Variants in DCLK1 observed in about 807,000 individuals in gnomAD.
DCLK1 encodes serine/threonine-protein kinase DCLK1.
DCLK1 carries 16 observed loss-of-function variants against 86.2 expected under a neutral mutation model. The ratio of observed to expected loss-of-function variants is 0.19; its 90% CI spans 0.13 to 0.28. DCLK1 has a LOEUF of 0.28. DCLK1 is among the 10% of genes least tolerant of loss of function. The pLI, the probability that DCLK1 is intolerant of heterozygous loss-of-function variation, is 1.00. For missense variants in DCLK1, 590 were observed against 940.2 expected, an observed-to-expected ratio of 0.63 and a Z score of 4.87; for synonymous variants, 369 against 370.5, an observed-to-expected ratio of 1.00 and a Z score of 0.05.
intron 11 of DCLK1, among the ~76,000 whole-genome samples, chr13:35,816,317 G>T (rs1052265264): frequency 2.0e-5 from 3 of 152,142 alleles, no homozygotes; most frequent in African/African-American, 7.2e-5. Flanking sequence ...TTGGGACATG[G>T]ACTTCCAGAG....
At chr13:35,849,301 A>G (rs1418368710) in intron 6 of DCLK1, 1 of 985,244 alleles carries the variant, frequency 1.0e-6, no homozygotes, top group Non-Finnish European at 1.2e-6. Context: ...AGCGTGTGAC[A>G]ACTGAATTTC....
intron 15 of DCLK1, among the ~76,000 whole-genome samples, chr13:35,804,861 C>A (rs1376997077): frequency 6.6e-6 from 1 of 152,180 alleles, no homozygotes; most frequent in Non-Finnish European, 1.5e-5. Context: ...CCCGTGTACT[C>A]AAAGAACAGC....
At chr13:36,045,377 T>TCTATCTATCTATATATAC (rs568110221) in intron 3 of DCLK1, among the ~76,000 whole-genome samples, 5 of 125,078 alleles carry the variant, frequency 4.0e-5, no homozygotes, top group African/African-American at 1.4e-4. Flanking sequence ...TATATATATA[T>TCTATCTATCTATATATAC]TTCAAGGTAA....
intron 3 of DCLK1, among the ~76,000 whole-genome samples, chr13:35,987,914 T>C (rs1433601932): frequency 1.3e-5 from 2 of 152,150 alleles, no homozygotes; most frequent in African/African-American, 4.8e-5. Flanking sequence ...TCCTCCCTGC[T>C]CCCCACATCT....
chr13:36,022,337 A>G (rs1881818937), intron 3 of DCLK1, among the ~76,000 whole-genome samples: 2 of 152,124 alleles, frequency 1.3e-5, no homozygotes, highest in Admixed American at 1.3e-4. Flanking sequence ...TCAATAATCT[A>G]ACTTTCCACT....
At chr13:35,781,521 G>C (rs1177640777) in intron 16 of DCLK1, among the ~76,000 whole-genome samples, 1 of 152,188 alleles carries the variant, frequency 6.6e-6, no homozygotes, top group African/African-American at 2.4e-5. Flanking sequence ...AATGCTTGCA[G>C]GATTCACAAG....
chr13:35,785,114 A>G (rs542408569), intron 16 of DCLK1, among the ~76,000 whole-genome samples: 6 of 151,844 alleles, frequency 4.0e-5, no homozygotes, highest in African/African-American at 1.4e-4. Context: ...ATTTTATCTT[A>G]TTTCTCATGT....
intron 3 of DCLK1, among the ~76,000 whole-genome samples, chr13:35,989,258 A>G (rs1880095410): frequency 6.6e-6 from 1 of 152,058 alleles, no homozygotes; most frequent in African/African-American, 2.4e-5. Flanking sequence ...ATTTCAAAAC[A>G]TGACTTTCTT....
chr13:36,074,929 G>C (rs1256269539), intron 3 of DCLK1, among the ~76,000 whole-genome samples: 1 of 152,084 alleles, frequency 6.6e-6, no homozygotes, highest in Non-Finnish European at 1.5e-5. Context: ...ATGAAACAAA[G>C]CAACTGTAAA....
intron 4 of DCLK1, among the ~76,000 whole-genome samples, chr13:35,932,613 G>A (rs1350766234): frequency 6.6e-6 from 1 of 152,128 alleles, no homozygotes; most frequent in Admixed American, 6.6e-5. Context: ...AGAGAGTGAG[G>A]AAGATGCAAA....
chr13:36,102,043 G>T (rs567271498), intron 3 of DCLK1, among the ~76,000 whole-genome samples: 1 of 152,006 alleles, frequency 6.6e-6, no homozygotes, highest in African/African-American at 2.4e-5. Context: ...GCACCTGGCC[G>T]ATAGTGAGGT....
At chr13:35,892,298 C>T (rs1344758773) in intron 4 of DCLK1, among the ~76,000 whole-genome samples, 1 of 152,154 alleles carries the variant, frequency 6.6e-6, no homozygotes, top group East Asian at 1.9e-4. Flanking sequence ...GGCATTATTG[C>T]ATTATTCCCA....
At chr13:35,867,963 A>AAGAAAGAAAGAAAGAGAGAG (rs796441369) in intron 5 of DCLK1, among the ~76,000 whole-genome samples, 4 of 135,240 alleles carry the variant, frequency 3.0e-5, no homozygotes, top group Admixed American at 8.2e-5. Flanking sequence ...GAAAGAAAGA[A>AAGAAAGAAAGAAAGAGAGAG]AGAGAAAAAG....
chr13:36,092,683 T>G (rs1336241661), intron 3 of DCLK1, among the ~76,000 whole-genome samples: 1 of 151,882 alleles, frequency 6.6e-6, no homozygotes, highest in Non-Finnish European at 1.5e-5. Context: ...AGACAGGGTT[T>G]CACCGTTTTA....
intron 3 of DCLK1, among the ~76,000 whole-genome samples, chr13:36,109,039 T>G (rs1885513781): frequency 6.6e-6 from 1 of 152,212 alleles, no homozygotes. Context: ...ATGGGACAGA[T>G]TTCTCTTTTG....
chr13:35,955,606 C>A (rs930287806), intron 3 of DCLK1, among the ~76,000 whole-genome samples: 1 of 152,098 alleles, frequency 6.6e-6, no homozygotes, highest in Non-Finnish European at 1.5e-5. Flanking sequence ...TAAAATGACA[C>A]CCTAGTAACA....
chr13:35,953,166 A>G (rs73178260), intron 3 of DCLK1, among the ~76,000 whole-genome samples: 83,659 of 151,786 alleles, frequency 0.55, 25,486 homozygotes, highest in Non-Finnish European at 0.67. Context: ...TCAACTCTGA[A>G]AGAGACAAAC....
intron 3 of DCLK1, among the ~76,000 whole-genome samples, chr13:35,958,234 C>CCACCACCACCACTATAACCACCAT (rs1878218063): frequency 1.4e-5 from 2 of 138,084 alleles, no homozygotes; most frequent in African/African-American, 5.4e-5. Flanking sequence ...ACTATAACCA[C>CCACCACCACCACTATAACCACCAT]CATCATCACC....
upstream of DCLK1, among the ~76,000 whole-genome samples, chr13:36,131,807 G>T (rs1479118351): frequency 1.3e-5 from 2 of 152,150 alleles, no homozygotes; most frequent in African/African-American, 4.8e-5. Flanking sequence ...CCTTTCCCAG[G>T]GTATGGAAGC....
Sources: gnomAD v4.1 joint callset for allele counts (sites outside exome capture counted in the v4.1 genomes callset) on GRCh38, gnomAD v4.1.1 for gene constraint, MANE v1.5 for transcripts, NCBI Gene and HGNC (gene_info 2026-07-23, HGNC 2026-07-21) for gene names.